MATCAP2: variants seen among roughly 807,000 people sequenced by gnomAD.
The protein encoded by MATCAP2 is putative tyrosine carboxypeptidase MATCAP2.
At chr7:36,389,089 C>T in the MATCAP2 span, among the ~76,000 whole-genome samples, 28 of 152,220 alleles carry the variant, frequency 1.8e-4, no homozygotes, top group African/African-American at 6.0e-4. Flanking sequence ...TTGTCTGGCT[C>T]TGTAGCCCAG....
chr7:36,328,573 G>T, the MATCAP2 span, among the ~76,000 whole-genome samples: 17 of 151,668 alleles, frequency 1.1e-4, no homozygotes, highest in Admixed American at 9.9e-4. Flanking sequence ...GTGAAACCCC[G>T]TCTCTACTAA....
chr7:36,355,717 G>A, the MATCAP2 span: 116 of 152,270 alleles, frequency 7.6e-4, no homozygotes, highest in African/African-American at 2.6e-3. Flanking sequence ...CACCACAGGC[G>A]AGAGAACCAT....
chr7:36,349,875 T>A, the MATCAP2 span, among the ~76,000 whole-genome samples: 1 of 152,184 alleles, frequency 6.6e-6, no homozygotes, highest in South Asian at 2.1e-4. Context: ...GGAGTTTCCA[T>A]CTCTGATCTG....
At chr7:36,345,387 G>A in the MATCAP2 span, among the ~76,000 whole-genome samples, 1 of 152,098 alleles carries the variant, frequency 6.6e-6, no homozygotes, top group Non-Finnish European at 1.5e-5. Flanking sequence ...ATAAACCTTT[G>A]CATATCTTAT....
chr7:36,348,079 T>A, the MATCAP2 span, among the ~76,000 whole-genome samples: 1 of 152,216 alleles, frequency 6.6e-6, no homozygotes, highest in African/African-American at 2.4e-5. Flanking sequence ...TTCCAACACG[T>A]ATGGCTCCTT....
At chr7:36,341,999 C>T in the MATCAP2 span, among the ~76,000 whole-genome samples, 3 of 152,122 alleles carry the variant, frequency 2.0e-5, no homozygotes, top group Non-Finnish European at 4.4e-5. Flanking sequence ...CTAGAATTTA[C>T]CTTAGATTCC....
chr7:36,356,851 A>C, the MATCAP2 span: 1 of 1,387,862 alleles, frequency 7.2e-7, no homozygotes, highest in South Asian at 1.2e-5. Flanking sequence ...GATCACAGAT[A>C]ATTGTTTTAG....
chr7:36,351,106 T>C, the MATCAP2 span, among the ~76,000 whole-genome samples: 1 of 152,150 alleles, frequency 6.6e-6, no homozygotes, highest in Admixed American at 6.5e-5. Context: ...CTTTCAAAAT[T>C]TGAACTCTGG....
the MATCAP2 span, among the ~76,000 whole-genome samples, chr7:36,360,752 C>T: frequency 2.0e-5 from 3 of 152,124 alleles, no homozygotes; most frequent in South Asian, 6.2e-4. Flanking sequence ...TGGTTAAGAA[C>T]ACTAAGAGGC....
chr7:36,355,428 A>G, the MATCAP2 span: 3 of 152,230 alleles, frequency 2.0e-5, no homozygotes, highest in Non-Finnish European at 4.4e-5. Context: ...TAAGTTATCA[A>G]TTTGAATCAC....
the MATCAP2 span, among the ~76,000 whole-genome samples, chr7:36,332,430 G>T: frequency 6.6e-6 from 1 of 152,108 alleles, no homozygotes; most frequent in Non-Finnish European, 1.5e-5. Flanking sequence ...CTGAAATCCC[G>T]CCTGGAATTG....
chr7:36,332,524 C>T, the MATCAP2 span, among the ~76,000 whole-genome samples: 6 of 152,316 alleles, frequency 3.9e-5, no homozygotes, highest in South Asian at 8.3e-4. Context: ...TAAGGCACTA[C>T]GCTGTCATAC....
chr7:36,328,159 C>G, the MATCAP2 span, among the ~76,000 whole-genome samples: 1 of 149,440 alleles, frequency 6.7e-6, no homozygotes, highest in African/African-American at 2.5e-5. Flanking sequence ...GCCTCGAACT[C>G]CTGGGCTCAA....
At chr7:36,351,741 G>A in the MATCAP2 span, among the ~76,000 whole-genome samples, 4 of 151,922 alleles carry the variant, frequency 2.6e-5, no homozygotes, top group Admixed American at 2.6e-4. Context: ...GAGCTCAGGA[G>A]TTTGGAACCA....
At chr7:36,387,232 A>G in the MATCAP2 span, among the ~76,000 whole-genome samples, 2 of 152,166 alleles carry the variant, frequency 1.3e-5, no homozygotes, top group African/African-American at 4.8e-5. Context: ...ACATATTTCT[A>G]TGGGAATGAT....
At chr7:36,341,924 G>A in the MATCAP2 span, among the ~76,000 whole-genome samples, 8 of 152,144 alleles carry the variant, frequency 5.3e-5, no homozygotes, top group Admixed American at 4.6e-4. Context: ...TCAGTTTATG[G>A]TATTTTGTTA....
the MATCAP2 span, among the ~76,000 whole-genome samples, chr7:36,369,467 A>G: frequency 6.6e-6 from 1 of 152,154 alleles, no homozygotes; most frequent in Non-Finnish European, 1.5e-5. Flanking sequence ...TACCTCTACA[A>G]ATTTCTAGTT....
chr7:36,352,662 T>C, the MATCAP2 span, among the ~76,000 whole-genome samples: 2 of 151,686 alleles, frequency 1.3e-5, no homozygotes, highest in Non-Finnish European at 2.9e-5. Context: ...TGAAATGTCG[T>C]CTTTACTAAA....
the MATCAP2 span, among the ~76,000 whole-genome samples, chr7:36,338,775 T>C: frequency 6.6e-6 from 1 of 152,240 alleles, no homozygotes; most frequent in African/African-American, 2.4e-5. Flanking sequence ...TCTCTAAGGG[T>C]GGCCACCTAT....
Sources: allele counts gnomAD v4.1 joint callset (sites outside exome capture counted in the v4.1 genomes callset), GRCh38; gene constraint gnomAD v4.1.1; transcripts MANE v1.5; gene names NCBI Gene and HGNC (gene_info 2026-07-23, HGNC 2026-07-21).